Variants in OR51B5 observed in about 807,000 individuals in gnomAD.
OR51B5 encodes the protein olfactory receptor family 51 subfamily B member 5, also known as olfactory receptor 51B5.
For synonymous variants in OR51B5, 186 were observed against 144.8 expected (o/e 1.28, Z -2.04); for missense variants, 456 against 374.6 (o/e 1.22, Z -1.79).
At chr11:5,497,397 G>A (rs759372132) in intron 1 of OR51B5, among the ~76,000 whole-genome samples, 12 of 152,140 alleles carry the variant, frequency 7.9e-5, no homozygotes, top group Non-Finnish European at 1.8e-4. Context: ...GGGCAACAGA[G>A]CAAGACTCCG....
intron 1 of OR51B5, among the ~76,000 whole-genome samples, chr11:5,354,161 TCTGTCTGTTACTG>T (rs1316658875): frequency 6.7e-6 from 1 of 149,564 alleles, no homozygotes; most frequent in African/African-American, 2.4e-5. Flanking sequence ...TGCTAGTTCT[TCTGTCTGTTACTG>T]CTCTCTGTAT....
At chr11:5,397,236 G>T (rs1303485338) in intron 1 of OR51B5, among the ~76,000 whole-genome samples, 1 of 152,150 alleles carries the variant, frequency 6.6e-6, no homozygotes, top group Non-Finnish European at 1.5e-5. Context: ...CTTCTGCACA[G>T]CAAAAGAAAC....
At chr11:5,358,193 T>C (rs563366728) in intron 1 of OR51B5, among the ~76,000 whole-genome samples, 1 of 152,048 alleles carries the variant, frequency 6.6e-6, no homozygotes, top group Non-Finnish European at 1.5e-5. Flanking sequence ...AAAAAATCAA[T>C]GAATCCAGAA....
At chr11:5,389,472 A>G (rs916535907) in intron 1 of OR51B5, 3 of 1,613,864 alleles carry the variant, frequency 1.9e-6, no homozygotes, top group African/African-American at 1.3e-5. Context: ...CCCATATTCT[A>G]TCTCACCAGC....
At chr11:5,448,145 T>G (rs1316792037) in intron 1 of OR51B5, among the ~76,000 whole-genome samples, 2 of 152,188 alleles carry the variant, frequency 1.3e-5, no homozygotes, top group African/African-American at 4.8e-5. Context: ...TTTTGTCTTG[T>G]GTGTTCGCCA....
At chr11:5,456,270 G>C (rs1258678659) in intron 1 of OR51B5, 1 of 152,122 alleles carries the variant, frequency 6.6e-6, no homozygotes, top group Non-Finnish European at 1.5e-5. Flanking sequence ...TGGCTCCTTT[G>C]TACCTTAATT....
At chr11:5,353,205 A>G (rs572202857) in intron 1 of OR51B5, among the ~76,000 whole-genome samples, 36 of 152,292 alleles carry the variant, frequency 2.4e-4, no homozygotes, top group African/African-American at 8.2e-4. Context: ...GAGTCTAGGG[A>G]AAGTATCTCT....
Position 5,441,433 on chromosome 11 carries a change from A to C in OR51B5, n.84+64136T>G, listed in dbSNP as rs141106591. The C allele has an allele frequency of 7.4e-6, 12 of 1,613,840 alleles. No individual in the cohort carries two copies. In the African/African-American group the frequency reaches 1.5e-4, roughly 20 times the overall value. On this transcript the variant is annotated intron_variant and non_coding_transcript_variant, in intron 1 of 4. Coordinates refer to the OR51B5 transcript ENST00000415970. ...AGGATGCAGAAAATCAGGGCAACCC[A>C]GGTGAGGCCTGTTTGTATCCCAGGA...
In OR51B5 at chr11:5,406,875, A is replaced by G. The variant is rs546422750; in HGVS notation, n.85-59965T>C. Among the ~76,000 whole-genome samples the G allele has an allele frequency of 3.3e-5, 5 of 152,252 alleles. No individual in the cohort carries two copies. The South Asian group carries it at 8.3e-4, about 25-fold the overall frequency. On this transcript the variant is annotated intron_variant and non_coding_transcript_variant, in intron 1 of 4. Coordinates refer to the OR51B5 transcript ENST00000415970. ...GAGTAAATAAGAAGAGCTTACAGCA[A>G]ACTCAGAGGGTTGGAGTACAAGGAG...
In OR51B5 at chr11:5,451,837, A is replaced by C. The variant is rs145054201; in HGVS notation, n.84+53732T>G. 4.7e-3 allele frequency among the ~76,000 whole-genome samples: 719 copies of C among 152,304 alleles called. 7 individuals are homozygous for C. The highest frequency in any genetic ancestry group is 0.016 in the African/African-American group (685 of 41,574). On this transcript the variant is annotated intron_variant and non_coding_transcript_variant, in intron 1 of 4. Transcript: ENST00000415970. ...TTCTCTAAAATGAGGGTGACCTATTAGCTTGAAATGTCTGCTTAGTGAAAA... is the reference window on the plus strand; with the variant it reads ...TTCTCTAAAATGAGGGTGACCTATTCGCTTGAAATGTCTGCTTAGTGAAAA...
At chr11:5,454,415 CA>C (rs773474831) in intron 1 of OR51B5, 4 of 1,605,224 alleles carry the variant, frequency 2.5e-6, no homozygotes, top group Non-Finnish European at 1.7e-6. Flanking sequence ...TGTTTCACCA[CA>C]TCAAAATATG....
At chr11:5,384,830 A>G (rs1457497564) in intron 1 of OR51B5, among the ~76,000 whole-genome samples, 1 of 152,196 alleles carries the variant, frequency 6.6e-6, no homozygotes, top group Non-Finnish European at 1.5e-5. Flanking sequence ...TTCGCCTTCC[A>G]AAATCCTCCT....
downstream of OR51B5, chr11:5,340,589 T>G (rs928354131): frequency 1.3e-5 from 2 of 152,052 alleles, no homozygotes; most frequent in African/African-American, 4.8e-5. Context: ...AACAATATTT[T>G]TGGAGTAGAA....
At chr11:5,451,297 A>G (rs1165446374) in intron 1 of OR51B5, among the ~76,000 whole-genome samples, 1 of 152,232 alleles carries the variant, frequency 6.6e-6, no homozygotes, top group Non-Finnish European at 1.5e-5. Context: ...CTTGCCCTGA[A>G]CAAAATCCTG....
chr11:5,473,787 C>T (rs1590017492), intron 1 of OR51B5, among the ~76,000 whole-genome samples: 1 of 151,952 alleles, frequency 6.6e-6, no homozygotes, highest in Non-Finnish European at 1.5e-5. Context: ...ACTAGAACTT[C>T]ATTGGAAATT....
At chr11:5,500,955 T>C (rs1343062524) in intron 1 of OR51B5, among the ~76,000 whole-genome samples, 1 of 148,358 alleles carries the variant, frequency 6.7e-6, no homozygotes, top group Non-Finnish European at 1.5e-5. Flanking sequence ...CTAGGCAGCA[T>C]TGCCTGTGAT....
chr11:5,485,592 A>G (rs1283357578), intron 1 of OR51B5, among the ~76,000 whole-genome samples: 3 of 152,028 alleles, frequency 2.0e-5, no homozygotes, highest in Non-Finnish European at 4.4e-5. Flanking sequence ...TATCTTGCCT[A>G]TGCTCCTTGC....
intron 1 of OR51B5, chr11:5,468,527 G>A (rs370709710): frequency 7.8e-5 from 29 of 373,096 alleles, no homozygotes; most frequent in East Asian, 6.1e-4. Context: ...AGTCTCCTGC[G>A]AATCTCCTTA....
At chr11:5,416,899 T>A (rs1427812428) in intron 1 of OR51B5, among the ~76,000 whole-genome samples, 3 of 151,956 alleles carry the variant, frequency 2.0e-5, no homozygotes, top group South Asian at 2.1e-4. Flanking sequence ...GCTAACAATG[T>A]CTTTCTTCAC....
Sources: allele counts gnomAD v4.1 joint callset (sites outside exome capture counted in the v4.1 genomes callset), GRCh38; gene constraint gnomAD v4.1.1; transcripts MANE v1.5; gene names NCBI Gene and HGNC (gene_info 2026-07-23, HGNC 2026-07-21).